Variants in SFXN5 observed in about 807,000 individuals in gnomAD.
The protein encoded by SFXN5 is sideroflexin-5.
Under a neutral mutation model 50.2 loss-of-function variants are expected in SFXN5, and 43 were observed. The ratio of observed to expected loss-of-function variants is 0.86; its 90% CI spans 0.67 to 1.11. SFXN5 has a LOEUF of 1.11. Ranked by LOEUF, SFXN5 falls within the 50% of genes least tolerant of loss-of-function variation. The pLI is 0.00. For missense variants in SFXN5, 463 were observed against 454.1 expected (o/e 1.02, Z -0.18); for synonymous variants, 203 against 185.8 (o/e 1.09, Z -0.75).
At chr2:73,050,680 G>A (rs957479171) in intron 2 of SFXN5, among the ~76,000 whole-genome samples, 2 of 152,196 alleles carry the variant, frequency 1.3e-5, no homozygotes, top group Non-Finnish European at 2.9e-5. Flanking sequence ...TCAAAGATCT[G>A]AAATGCCTTC....
intron 10 of SFXN5, among the ~76,000 whole-genome samples, chr2:72,987,363 C>T (rs1242192073): frequency 6.6e-6 from 1 of 151,918 alleles, no homozygotes; most frequent in East Asian, 2.0e-4. Context: ...CTACCTCGGC[C>T]TCCCAAAGTG....
Position 72,950,805 on chromosome 2 carries a change from G to A in SFXN5, c.946-5706C>T, listed in dbSNP as rs760526671. On this transcript the variant is annotated intron_variant, in intron 13 of 13. Coordinates refer to ENST00000272433, the MANE Select transcript of SFXN5 (RefSeq NM_144579.3). The surrounding 1 kb of genome is among the most constrained non-coding windows in gnomAD (Gnocchi z 4.2). ...CAACTCCACCCCGCAGAAGGCCAGA[G>A]CCCCAGGGCAGTGGGTCGAGGGGCA... 6.6e-6 allele frequency among the ~76,000 whole-genome samples: 1 copy of A among 152,258 alleles called. No individual in the cohort carries two copies. Among genetic ancestry groups the A allele is most frequent in the Non-Finnish European group, 1.5e-5 (1 of 68,044 alleles).
chr2:73,059,672 G>C, intron 1 of SFXN5: 1 of 964,134 alleles, frequency 1.0e-6, no homozygotes, highest in African/African-American at 1.9e-5. Context: ...CCCTACCCAG[G>C]TGCTGTCTCT....
intron 7 of SFXN5, among the ~76,000 whole-genome samples, chr2:73,000,734 C>T (rs1236800852): frequency 6.6e-6 from 1 of 152,210 alleles, no homozygotes; most frequent in African/African-American, 2.4e-5. Context: ...CTGCGCACCC[C>T]AGTAGTCCAC....
intron 1 of SFXN5, among the ~76,000 whole-genome samples, chr2:73,064,655 C>CCCAGCAAGCTCT (rs1683049209): frequency 6.6e-6 from 1 of 152,224 alleles, no homozygotes; most frequent in African/African-American, 2.4e-5. Flanking sequence ...CATTTGTCTG[C>CCCAGCAAGCTCT]CCAGCAAGCT....
At chr2:73,043,125 A>G (rs1457417016) in intron 2 of SFXN5, among the ~76,000 whole-genome samples, 2 of 152,224 alleles carry the variant, frequency 1.3e-5, no homozygotes, top group Admixed American at 6.5e-5. Flanking sequence ...AACAGACAAC[A>G]GTGATAGAAG....
intron 13 of SFXN5, among the ~76,000 whole-genome samples, chr2:72,951,313 T>C (rs1672509086): frequency 6.6e-6 from 1 of 151,692 alleles, no homozygotes; most frequent in South Asian, 2.1e-4. Flanking sequence ...TTGCTGCCCC[T>C]CCAGGAGATA....
At chr2:73,013,050 CA>C (rs1020657046) in intron 6 of SFXN5, among the ~76,000 whole-genome samples, 2 of 151,936 alleles carry the variant, frequency 1.3e-5, no homozygotes, top group African/African-American at 4.8e-5. Context: ...GAAGTGGAAA[CA>C]ATAACAAAGC....
chr2:73,004,313 G>A (rs950080287), intron 6 of SFXN5, among the ~76,000 whole-genome samples: 50 of 138,432 alleles, frequency 3.6e-4, no homozygotes, highest in African/African-American at 1.3e-3. Context: ...ATGAGTGCGC[G>A]CGCACACACA....
rs1672611253 is a variant in SFXN5 at position 72,991,592 on chromosome 2, G to A, written c.535-3244C>T. On this transcript the variant is annotated intron_variant, in intron 9 of 13. Coordinates refer to ENST00000272433, the MANE Select transcript of SFXN5 (RefSeq NM_144579.3). ...CCCCAGCCCAGGTCTTACCGCCCCA[G>A]CACCTAGGACAGCCACGGCCTGAGA... 2.0e-5 allele frequency among the ~76,000 whole-genome samples: 3 copies of A among 152,236 alleles called. No homozygotes were observed. In the South Asian group the frequency reaches 6.2e-4, roughly 32 times the overall value.
At chr2:73,042,130 T>A (rs1173883007) in intron 2 of SFXN5, among the ~76,000 whole-genome samples, 1 of 152,180 alleles carries the variant, frequency 6.6e-6, no homozygotes, top group African/African-American at 2.4e-5. Context: ...TAAAACCGTA[T>A]GATTTTTTAA....
chr2:72,974,654 G>C (rs1391465452), intron 10 of SFXN5, among the ~76,000 whole-genome samples: 2 of 152,196 alleles, frequency 1.3e-5, no homozygotes, highest in Admixed American at 1.3e-4. Flanking sequence ...GCCGTATGCA[G>C]AGGCTACCAG....
chr2:72,951,863 C>T (rs1672573468), intron 13 of SFXN5, among the ~76,000 whole-genome samples: 1 of 152,210 alleles, frequency 6.6e-6, no homozygotes, highest in South Asian at 2.1e-4. Flanking sequence ...ACCTGGCTGA[C>T]CCTGTGTGCC....
intron 9 of SFXN5, among the ~76,000 whole-genome samples, chr2:72,988,789 G>A (rs1224952329): frequency 1.3e-5 from 2 of 151,940 alleles, no homozygotes; most frequent in Non-Finnish European, 2.9e-5. Flanking sequence ...CATGGTACAT[G>A]CAGGTGTGGG....
chr2:72,945,733 A>T lies in SFXN5; in HGVS notation c.946-634T>A, dbSNP rs1671863654. Among the ~76,000 whole-genome samples, 1 of 151,616 alleles carries T rather than the reference A, an allele frequency of 6.6e-6. No homozygotes were observed. Among genetic ancestry groups the T allele is most frequent in the Non-Finnish European group, 1.5e-5 (1 of 67,908 alleles). On this transcript the variant is annotated intron_variant, in intron 13 of 13. Transcript: ENST00000272433. This position sits in a 1 kb window ranked among gnomAD's most constrained non-coding sequence, Gnocchi z 5.8. ...AAGCCCTGCTTCGGAGAACCCCACC[A>T]TGCACCCCACTCCTACTTGAACCTG...
intron 10 of SFXN5, among the ~76,000 whole-genome samples, chr2:72,979,518 C>A (rs1671039476): frequency 6.6e-6 from 1 of 152,144 alleles, no homozygotes; most frequent in South Asian, 2.1e-4. Context: ...CCTGTAATCC[C>A]AGCTACTTGG....
At chr2:73,060,683 T>C (rs116456828) in intron 1 of SFXN5, among the ~76,000 whole-genome samples, 170 of 151,224 alleles carry the variant, frequency 1.1e-3, no homozygotes, top group African/African-American at 4.0e-3. Flanking sequence ...ACTGCGGTTA[T>C]ATAAGAGAAT....
chr2:73,018,636 T>A (rs1676459546), intron 6 of SFXN5, among the ~76,000 whole-genome samples: 1 of 152,220 alleles, frequency 6.6e-6, no homozygotes. Context: ...TCTCAATTAG[T>A]TTTTTACCCA....
chr2:73,018,300 G>T (rs1237199916), intron 6 of SFXN5, among the ~76,000 whole-genome samples: 4 of 152,032 alleles, frequency 2.6e-5, no homozygotes, highest in Non-Finnish European at 4.4e-5. Flanking sequence ...AAAGAGAAAA[G>T]ATGAACCTAG....
Sources: allele counts gnomAD v4.1 joint callset (sites outside exome capture counted in the v4.1 genomes callset), GRCh38; gene constraint gnomAD v4.1.1; non-coding constraint Gnocchi (gnomAD v3.1); transcripts MANE v1.5; gene names NCBI Gene and HGNC (gene_info 2026-07-23, HGNC 2026-07-21).